Variants in RAI14 observed in about 807,000 individuals in gnomAD.
RAI14 encodes the protein retinoic acid induced 14.
RAI14 carries 45 observed loss-of-function variants against 115.4 expected under a neutral mutation model. The observed-to-expected ratio is 0.39, with a 90% CI of 0.31 to 0.50. The LOEUF (loss-of-function observed/expected upper bound fraction) is 0.50. Among genes scored for constraint, RAI14 ranks in the 20% least tolerant of loss-of-function variants. The probability of loss-of-function intolerance (pLI) is 0.85; values close to 1 mark genes in which losing one functional copy is unlikely to be tolerated. For synonymous variants in RAI14, 371 were observed against 415.4 expected (o/e 0.89, Z 1.30); for missense variants, 939 against 1,131.2 (o/e 0.83, Z 2.44).
intron 10 of RAI14, 73 bp downstream of exon 10, chr5:34,812,281 A>T: frequency 8.0e-7 from 1 of 1,249,134 alleles, no homozygotes; most frequent in East Asian, 2.3e-5. Flanking sequence ...AGATTTAACC[A>T]CTCTGGTCCA....
intron 2 of RAI14, among the ~76,000 whole-genome samples, chr5:34,710,402 T>A (rs1188526299): frequency 6.6e-6 from 1 of 152,178 alleles, no homozygotes; most frequent in Non-Finnish European, 1.5e-5. Flanking sequence ...CAGTAATTTC[T>A]TGTAGTGAGA....
At chr5:34,700,594 T>C (rs1426589958) in intron 2 of RAI14, among the ~76,000 whole-genome samples, 1 of 152,242 alleles carries the variant, frequency 6.6e-6, no homozygotes, top group Admixed American at 6.5e-5. Flanking sequence ...GGCCCCTCTC[T>C]GTTCAGCATT....
intron 4 of RAI14, among the ~76,000 whole-genome samples, chr5:34,803,017 C>G (rs771346892): frequency 4.6e-5 from 7 of 152,188 alleles, no homozygotes; most frequent in African/African-American, 9.7e-5. Context: ...GTTGCCTTCA[C>G]TGGATTCCTC....
intron 2 of RAI14, among the ~76,000 whole-genome samples, chr5:34,721,291 GTATATATATATATATATA>G (rs10538679): frequency 2.7e-4 from 35 of 131,172 alleles, no homozygotes; most frequent in East Asian, 1.4e-3. Context: ...ATGTAGATGT[GTATATATATATATATATA>G]TATATATATA....
At chr5:34,694,576 G>A (rs1020186006) in intron 2 of RAI14, among the ~76,000 whole-genome samples, 2 of 151,950 alleles carry the variant, frequency 1.3e-5, no homozygotes, top group African/African-American at 4.8e-5. Context: ...TCATGAAAAT[G>A]CTTTCACTTT....
intron 7 of RAI14, 79 bp downstream of exon 7, chr5:34,808,733 G>C (rs1407460368): frequency 4.5e-6 from 6 of 1,347,424 alleles, no homozygotes; most frequent in Non-Finnish European, 6.3e-6. Flanking sequence ...GAGTCACTGA[G>C]ACTTTAGACT....
At chr5:34,702,436 A>C (rs1740190070) in intron 2 of RAI14, among the ~76,000 whole-genome samples, 1 of 152,148 alleles carries the variant, frequency 6.6e-6, no homozygotes, top group Admixed American at 6.5e-5. Context: ...ACCTAGAACG[A>C]GCCCCTCACG....
At chr5:34,711,403 G>A (rs1315473544) in intron 2 of RAI14, among the ~76,000 whole-genome samples, 1 of 152,194 alleles carries the variant, frequency 6.6e-6, no homozygotes, top group Non-Finnish European at 1.5e-5. Flanking sequence ...ATTCTTAAGG[G>A]TGGCAGAGAT....
intron 1 of RAI14, among the ~76,000 whole-genome samples, chr5:34,681,082 T>G (rs1437381728): frequency 6.6e-6 from 1 of 151,070 alleles, no homozygotes; most frequent in Non-Finnish European, 1.5e-5. Context: ...TTGAAGCAGC[T>G]TCCACCCACT....
chr5:34,792,946 C>T (rs1753099663), intron 3 of RAI14, among the ~76,000 whole-genome samples: 1 of 151,998 alleles, frequency 6.6e-6, no homozygotes, highest in African/African-American at 2.4e-5. Context: ...TGGAAAGTCC[C>T]CAGAATAGAG....
At chr5:34,687,680 G>A in intron 2 of RAI14, 1 of 1,551,566 alleles carries the variant, frequency 6.4e-7, no homozygotes. Flanking sequence ...GCAGAGTTGT[G>A]GAGTGGGAGA....
At chr5:34,731,519 T>C (rs1451283706) in intron 2 of RAI14, among the ~76,000 whole-genome samples, 2 of 152,234 alleles carry the variant, frequency 1.3e-5, no homozygotes, top group Non-Finnish European at 2.9e-5. Context: ...ACTTTTGACC[T>C]GTGGAAGTTT....
intron 1 of RAI14, among the ~76,000 whole-genome samples, chr5:34,668,077 C>T (rs965124194): frequency 1.3e-5 from 2 of 152,066 alleles, no homozygotes; most frequent in African/African-American, 2.4e-5. Flanking sequence ...CATGGACAAC[C>T]GGCTGCATTT....
At chr5:34,765,627 T>A (rs1307646253) in intron 3 of RAI14, among the ~76,000 whole-genome samples, 2 of 152,148 alleles carry the variant, frequency 1.3e-5, no homozygotes, top group African/African-American at 4.8e-5. Flanking sequence ...AGGCATTCAG[T>A]TTTATAAGGG....
intron 2 of RAI14, among the ~76,000 whole-genome samples, chr5:34,730,880 G>T (rs1460230562): frequency 6.6e-6 from 1 of 152,190 alleles, no homozygotes; most frequent in Non-Finnish European, 1.5e-5. Context: ...CTACTCTGGA[G>T]GCTGAGGCAG....
chr5:34,754,675 C>G (rs1174431798), intron 2 of RAI14, among the ~76,000 whole-genome samples: 1 of 152,150 alleles, frequency 6.6e-6, no homozygotes, highest in Non-Finnish European at 1.5e-5. Flanking sequence ...AAAGTAAATT[C>G]TGGCCTGCAC....
chr5:34,830,858 G>A lies in RAI14; in HGVS notation c.*93G>A. 6.4e-7 allele frequency: 1 copy of A among 1,574,688 alleles called. No individual in the cohort carries two copies. The highest frequency in any genetic ancestry group is 1.2e-5 in the South Asian group (1 of 85,086). Reference sequence around the variant, plus strand: ...GCCGCTGCCATTGTTCTCATTCGTGGTATGCACTGTGGCCTAGCGTAGCTT... The same window carrying A: ...GCCGCTGCCATTGTTCTCATTCGTGATATGCACTGTGGCCTAGCGTAGCTT... On this transcript the variant is annotated 3_prime_UTR_variant, in exon 18 of 18. Coordinates refer to ENST00000265109, the MANE Select transcript of RAI14 (RefSeq NM_015577.3).
chr5:34,693,472 T>A (rs1219594456), intron 2 of RAI14, among the ~76,000 whole-genome samples: 2 of 152,210 alleles, frequency 1.3e-5, no homozygotes, highest in Non-Finnish European at 1.5e-5. Flanking sequence ...ATTACAGGAA[T>A]AAGGAGTTCT....
At chr5:34,709,444 C>T (rs1163627126) in intron 2 of RAI14, among the ~76,000 whole-genome samples, 2 of 152,022 alleles carry the variant, frequency 1.3e-5, no homozygotes, top group Non-Finnish European at 2.9e-5. Context: ...CAAGACTGGT[C>T]TCCAATTAAA....
Sources: gnomAD v4.1 joint callset for allele counts (sites outside exome capture counted in the v4.1 genomes callset) on GRCh38, gnomAD v4.1.1 for gene constraint, MANE v1.5 for transcripts, NCBI Gene and HGNC (gene_info 2026-07-23, HGNC 2026-07-21) for gene names.